Variants in SORL1 observed in about 807,000 individuals in gnomAD.
The protein encoded by SORL1 is sortilin related receptor 1, also known as sortilin-related receptor.
A neutral mutation model predicts 273.7 loss-of-function variants in SORL1; 127 were observed. The ratio of observed to expected loss-of-function variants is 0.46; its 90% CI spans 0.40 to 0.54. SORL1 has a LOEUF of 0.54. Ranked by LOEUF, SORL1 falls within the 20% of genes least tolerant of loss-of-function variation. The probability of loss-of-function intolerance (pLI) is 0.00; values close to 1 mark genes in which losing one functional copy is unlikely to be tolerated. For missense variants in SORL1, 2,494 were observed against 2,846.1 expected (o/e 0.88, Z 2.81); for synonymous variants, 1,031 against 1,067.4 (o/e 0.97, Z 0.66).
At position 121,544,713 on chromosome 11, in the gene SORL1, G is replaced by A. The variant is rs189308161; in HGVS notation, c.1865-530G>A. Among the ~76,000 whole-genome samples, 56 of 152,288 alleles carry A rather than the reference G, an allele frequency of 3.7e-4. 1 individual carries two copies. The highest frequency in any genetic ancestry group is 1.2e-3 in the African/African-American group (50 of 41,556). ...AGAAAGCACCCTACTTAGACATTTC[G>A]ATGAACGTGGCAGATGGAGTGATGG... is the stretch of plus-strand genomic sequence containing the variant. On this transcript the variant is annotated intron_variant, in intron 13 of 47. Transcript: ENST00000260197.
chr11:121,509,502 G>A (rs1861841779), intron 6 of SORL1, among the ~76,000 whole-genome samples: 2 of 151,992 alleles, frequency 1.3e-5, no homozygotes, highest in South Asian at 4.1e-4. Context: ...TTCTGAGATG[G>A]AGTCTTGCTC....
chr11:121,551,179 G>A (rs1223137291), intron 16 of SORL1, among the ~76,000 whole-genome samples: 2 of 152,092 alleles, frequency 1.3e-5, no homozygotes, highest in African/African-American at 4.8e-5. Flanking sequence ...TATCAATTTT[G>A]TTTTTTACTT....
At chr11:121,468,457 G>A (rs533472230) in intron 1 of SORL1, among the ~76,000 whole-genome samples, 1 of 152,182 alleles carries the variant, frequency 6.6e-6, no homozygotes, top group Admixed American at 6.5e-5. Context: ...GTCTTGCTCT[G>A]TCGCCCAGAT....
chr11:121,515,015 A>G (rs1056292152), intron 8 of SORL1, among the ~76,000 whole-genome samples: 1 of 150,368 alleles, frequency 6.7e-6, no homozygotes, highest in African/African-American at 2.4e-5. Context: ...TCTTGGAAAG[A>G]GTCTCCCGTG....
intron 3 of SORL1, among the ~76,000 whole-genome samples, chr11:121,481,044 C>T (rs79299923): frequency 4.6e-5 from 5 of 108,882 alleles, no homozygotes; most frequent in African/African-American, 1.2e-4. Flanking sequence ...CTCCCCAGCT[C>T]CTCCCCTAGT....
intron 1 of SORL1, among the ~76,000 whole-genome samples, chr11:121,463,461 G>A (rs77604750): frequency 3.3e-5 from 5 of 152,100 alleles, no homozygotes; most frequent in South Asian, 2.1e-4. Flanking sequence ...CAATCAGAAA[G>A]GGAAATAAGC....
At position 121,555,278 on chromosome 11, in the gene SORL1, A is replaced by C. The variant is rs1355640701; in HGVS notation, c.2531A>C (p.Gln844Pro). The C allele has an allele frequency of 6.2e-7, 1 of 1,614,156 alleles. No homozygotes were observed. The highest frequency in any genetic ancestry group is 2.2e-5 in the East Asian group (1 of 44,888). The change falls in exon 18 of 48, where the codon CAG becomes CCG. Residue 844 changes from glutamine to proline, a missense_variant. Coordinates refer to ENST00000260197, the MANE Select transcript of SORL1 (RefSeq NM_003105.6). ...GCTTTGGCTTTTGAACCCCTCAGCC[A>C]GCTGCTTTACTGGGTAGATGCAGGC... ...VEALAFEPLS[Q>P]LLYWVDAGFK... is the part of the protein sequence containing the mutation.
intron 45 of SORL1, among the ~76,000 whole-genome samples, chr11:121,624,416 C>T (rs1863765195): frequency 6.6e-6 from 1 of 152,136 alleles, no homozygotes; most frequent in South Asian, 2.1e-4. Flanking sequence ...CCAGGGCTGT[C>T]CCCAGGATGG....
intron 32 of SORL1, among the ~76,000 whole-genome samples, chr11:121,598,978 G>A (rs117063146): frequency 2.6e-5 from 4 of 152,132 alleles, no homozygotes; most frequent in Non-Finnish European, 5.9e-5. Context: ...CACCCTTTGA[G>A]TCTTTCCAAT....
Position 121,557,345 on chromosome 11 carries a change from C to T in SORL1, c.2603C>T (p.Thr868Ile). ...AATCCAGATGGCGACTTCCGACTCA[C>T]AATCGTCAATTCCTCTGTGCTTGAT... ...VANPDGDFRL[T>I]IVNSSVLDRP... Residue 868 changes from threonine (T) to isoleucine (I), a missense_variant, in exon 19 of 48, where the codon ACA (threonine) becomes ATA (isoleucine). Physicochemically the swap from Thr to Ile is moderately conservative, Grantham distance 89 (BLOSUM62 -1). Coordinates refer to ENST00000260197, the MANE Select transcript of SORL1 (RefSeq NM_003105.6). 6.2e-7 allele frequency: 1 copy of T among 1,614,160 alleles called. No individual in the cohort carries two copies. The highest frequency in any genetic ancestry group is 8.5e-7 in the Non-Finnish European group (1 of 1,179,992).
At chr11:121,604,446 A>T (rs1471613407) in intron 33 of SORL1, 122 bp downstream of exon 33, 1 of 1,298,746 alleles carries the variant, frequency 7.7e-7, no homozygotes, top group African/African-American at 1.5e-5. Context: ...ATCTAAGGAT[A>T]AAACAGATTT....
chr11:121,598,255 G>T (rs1473472408), intron 32 of SORL1, among the ~76,000 whole-genome samples: 1 of 152,166 alleles, frequency 6.6e-6, no homozygotes, highest in Non-Finnish European at 1.5e-5. Flanking sequence ...AATTTGATGG[G>T]ACTGTGAAGA....
intron 2 of SORL1, among the ~76,000 whole-genome samples, chr11:121,475,949 G>A (rs1861260949): frequency 6.6e-6 from 1 of 152,158 alleles, no homozygotes; most frequent in South Asian, 2.1e-4. Flanking sequence ...TTGAGCACCT[G>A]CTATGCCCCA....
rs116586701 is a variant in SORL1, at chr11:121,512,519, A to C, written c.940-484A>C. The stretch of plus-strand genomic sequence containing the variant: ...GAAGATTCTCTCAAGTCTTGGTGCA[A>C]ATTAAAACCTTGTGACTGGAGCATC... On this transcript the variant is annotated intron_variant, in intron 6 of 47. Transcript: ENST00000260197. Among the ~76,000 whole-genome samples the C allele has an allele frequency of 4.8e-3, 730 of 152,338 alleles. 4 individuals are homozygous for C. The highest frequency in any genetic ancestry group is 0.017 in the African/African-American group (701 of 41,576).
chr11:121,607,978 C>A, intron 37 of SORL1, 126 bp from the exon 38 acceptor site: 1 of 739,348 alleles, frequency 1.4e-6, no homozygotes, highest in Non-Finnish European at 2.2e-6. Flanking sequence ...TTCTGGATCA[C>A]TCTGTATAAA....
chr11:121,565,474 G>T (rs565647609), intron 21 of SORL1, among the ~76,000 whole-genome samples: 9 of 152,128 alleles, frequency 5.9e-5, no homozygotes. Context: ...CATGAACTTC[G>T]TCTAACCTGT....
At chr11:121,560,710 T>C (rs1024343856) in intron 21 of SORL1, among the ~76,000 whole-genome samples, 1 of 152,198 alleles carries the variant, frequency 6.6e-6, no homozygotes, top group Non-Finnish European at 1.5e-5. Flanking sequence ...ATTGTGAAGA[T>C]AGCATGAGAA....
At chr11:121,506,498 C>T (rs1861789288) in intron 6 of SORL1, among the ~76,000 whole-genome samples, 1 of 152,162 alleles carries the variant, frequency 6.6e-6, no homozygotes, top group African/African-American at 2.4e-5. Context: ...ACCATCAGAT[C>T]TCATGAGACT....
chr11:121,567,871 A>C (rs1862776141), intron 22 of SORL1, among the ~76,000 whole-genome samples: 1 of 151,994 alleles, frequency 6.6e-6, no homozygotes, highest in South Asian at 2.1e-4. Context: ...GCTTTTCCTT[A>C]TCTGTGATTC....
Sources: gnomAD v4.1 joint callset for allele counts (sites outside exome capture counted in the v4.1 genomes callset) on GRCh38, gnomAD v4.1.1 for gene constraint, MANE v1.5 for transcripts, NCBI Gene and HGNC (gene_info 2026-07-23, HGNC 2026-07-21) for gene names.